The following RNF220 variants were observed in gnomAD, a reference collection of about 807,000 sequenced individuals.
RNF220 encodes the protein ring finger protein 220.
A neutral mutation model predicts 67.1 loss-of-function variants in RNF220; 7 were observed. The ratio of observed to expected loss-of-function variants is 0.10; its 90% CI spans 0.06 to 0.20. The LOEUF (loss-of-function observed/expected upper bound fraction) is 0.20. Among genes scored for constraint, RNF220 ranks in the 10% least tolerant of loss-of-function variants. RNF220 has a pLI of 1.00. For missense variants in RNF220, 565 were observed against 740.3 expected (o/e 0.76, Z 2.75); for synonymous variants, 270 against 283.2 (o/e 0.95, Z 0.47).
chr1:44,438,707 C>T (rs957140816), intron 2 of RNF220, among the ~76,000 whole-genome samples: 12 of 152,186 alleles, frequency 7.9e-5, no homozygotes, highest in Admixed American at 5.2e-4. Flanking sequence ...CTATGGACAA[C>T]CTCCCGCTGG....
In RNF220 at chr1:44,579,687, ACCT is replaced by A. The variant is rs1210725160; in HGVS notation, c.626-34473_626-34471del. 2.6e-5 allele frequency among the ~76,000 whole-genome samples: 4 copies of A among 151,822 alleles called. No individual in the cohort carries two copies. The East Asian group carries it at 7.7e-4, about 29-fold the overall frequency. ...TCTCCTCATACTGTGACTTCTGCTGACCTCCTCTGCTTAAGTAAGTCCCCACTG... is the reference window on the plus strand; with the variant it reads ...TCTCCTCATACTGTGACTTCTGCTGACCTCTGCTTAAGTAAGTCCCCACTG... On this transcript the variant is annotated intron_variant, in intron 2 of 14. Transcript: ENST00000361799.
chr1:44,636,265 A>C (rs534543679), intron 8 of RNF220, 103 bp downstream of exon 8: 1 of 1,490,680 alleles, frequency 6.7e-7, no homozygotes, highest in South Asian at 1.2e-5. Flanking sequence ...CTGGTCATCC[A>C]TCCGTTCCAC....
At chr1:44,634,689 A>C (rs1012217846) in intron 6 of RNF220, among the ~76,000 whole-genome samples, 5 of 152,344 alleles carry the variant, frequency 3.3e-5, no homozygotes, top group African/African-American at 1.2e-4. Context: ...CAGTGACAGG[A>C]GGGCTACAGA....
In RNF220 at chr1:44,622,697, G is replaced by T. The variant is rs372686656; in HGVS notation, c.759-45G>T. On this transcript the variant is annotated intron_variant, in intron 3 of 14. Coordinates refer to ENST00000361799, the MANE Select transcript of RNF220 (RefSeq NM_018150.4). This position sits in a 1 kb window ranked among gnomAD's most constrained non-coding sequence, Gnocchi z 4.3. Reference sequence around the variant, plus strand: ...TTGCTACTCTACCGTTGCATGCCCTGGGCAGCAGGTAGAATGGTTACCCTG... The same window carrying T: ...TTGCTACTCTACCGTTGCATGCCCTTGGCAGCAGGTAGAATGGTTACCCTG... The T allele has an allele frequency of 6.4e-7, 1 of 1,573,918 alleles. No homozygotes were observed. The highest frequency in any genetic ancestry group is 8.7e-7 in the Non-Finnish European group (1 of 1,143,682).
chr1:44,569,448 ACTT>A (rs1015713465), intron 2 of RNF220, among the ~76,000 whole-genome samples: 1 of 152,216 alleles, frequency 6.6e-6, no homozygotes, highest in Non-Finnish European at 1.5e-5. Flanking sequence ...CGGTCCCCTG[ACTT>A]CTTCATGAAA....
chr1:44,580,030 C>CAAAAAAAAAAAAAAAAAAAA (rs61499825), intron 2 of RNF220, among the ~76,000 whole-genome samples: 7 of 65,258 alleles, frequency 1.1e-4, no homozygotes, highest in South Asian at 5.7e-4. Flanking sequence ...CCCTGTCTCA[C>CAAAAAAAAAAAAAAAAAAAA]AAAAAAAAAA....
chr1:44,506,136 C>G (rs1052571483), intron 2 of RNF220, among the ~76,000 whole-genome samples: 4 of 152,244 alleles, frequency 2.6e-5, no homozygotes, highest in African/African-American at 9.6e-5. Context: ...TGCCCAGGCA[C>G]TCTAGCCCAG....
intron 2 of RNF220, among the ~76,000 whole-genome samples, chr1:44,423,297 C>A (rs79025905): frequency 6.6e-6 from 1 of 152,168 alleles, no homozygotes; most frequent in Non-Finnish European, 1.5e-5. Flanking sequence ...GAAGAAAGAA[C>A]TCCAGAATTG....
At chr1:44,477,414 G>A (rs1655393529) in intron 2 of RNF220, among the ~76,000 whole-genome samples, 2 of 152,328 alleles carry the variant, frequency 1.3e-5, no homozygotes, top group South Asian at 4.1e-4. Flanking sequence ...CTGATGAAAT[G>A]CATTTAAATT....
intron 2 of RNF220, among the ~76,000 whole-genome samples, chr1:44,446,501 T>A (rs1652101350): frequency 1.3e-5 from 2 of 152,126 alleles, no homozygotes; most frequent in Non-Finnish European, 2.9e-5. Context: ...ATCTTATAGA[T>A]GTTTCAGCTA....
chr1:44,432,435 TA>T (rs748813562), intron 2 of RNF220, among the ~76,000 whole-genome samples: 7 of 152,048 alleles, frequency 4.6e-5, no homozygotes, highest in Non-Finnish European at 1.0e-4. Flanking sequence ...CATGCCCAGT[TA>T]ATTTTTGTAT....
At chr1:44,616,999 T>G (rs1278692818) in intron 3 of RNF220, among the ~76,000 whole-genome samples, 1 of 152,116 alleles carries the variant, frequency 6.6e-6, no homozygotes, top group Admixed American at 6.5e-5. Context: ...CATCCCCGTG[T>G]CCATTTCCCC....
chr1:44,550,155 C>T (rs1398858235), intron 2 of RNF220, among the ~76,000 whole-genome samples: 14 of 152,232 alleles, frequency 9.2e-5, no homozygotes. Flanking sequence ...TGAGCGTAGG[C>T]CTGAGCCCTC....
intron 2 of RNF220, among the ~76,000 whole-genome samples, chr1:44,501,292 G>T (rs1335217659): frequency 2.0e-5 from 3 of 151,930 alleles, no homozygotes; most frequent in Non-Finnish European, 4.4e-5. Flanking sequence ...AGAGGCCCTG[G>T]AAAGTTTTTG....
chr1:44,508,452 C>T (rs949434509), intron 2 of RNF220, among the ~76,000 whole-genome samples: 3 of 152,222 alleles, frequency 2.0e-5, no homozygotes, highest in Non-Finnish European at 4.4e-5. Flanking sequence ...ATCTTCCCTT[C>T]TGCTGCTCAG....
chr1:44,471,970 C>T (rs1654852814), intron 2 of RNF220, among the ~76,000 whole-genome samples: 1 of 152,156 alleles, frequency 6.6e-6, no homozygotes, highest in Non-Finnish European at 1.5e-5. Context: ...ATCATAAAAC[C>T]TGTGGCCTTT....
intron 2 of RNF220, among the ~76,000 whole-genome samples, chr1:44,432,407 A>C (rs1404419472): frequency 1.3e-5 from 2 of 151,416 alleles, no homozygotes; most frequent in Admixed American, 6.6e-5. Flanking sequence ...AGTAGCAGGG[A>C]TTACAGGTGC....
At chr1:44,585,549 A>G (rs929802079) in intron 2 of RNF220, among the ~76,000 whole-genome samples, 2 of 152,164 alleles carry the variant, frequency 1.3e-5, no homozygotes, top group Non-Finnish European at 2.9e-5. Context: ...ACTTCAAACT[A>G]TCAAATCCAA....
chr1:44,485,252 G>A (rs1049107545), intron 2 of RNF220, among the ~76,000 whole-genome samples: 25 of 152,314 alleles, frequency 1.6e-4, no homozygotes, highest in Middle Eastern at 3.4e-3. Context: ...TTATATTTGA[G>A]GCAAATGCTC....
Sources: gnomAD v4.1 joint callset for allele counts (sites outside exome capture counted in the v4.1 genomes callset) on GRCh38, gnomAD v4.1.1 for gene constraint, Gnocchi (gnomAD v3.1) non-coding constraint, MANE v1.5 for transcripts, NCBI Gene and HGNC (gene_info 2026-07-23, HGNC 2026-07-21) for gene names.